SLC44A5: variants seen among roughly 807,000 people sequenced by gnomAD.
The protein encoded by SLC44A5 is solute carrier family 44 member 5.
SLC44A5 carries 57 observed loss-of-function variants against 101.8 expected under a neutral mutation model. That is an observed-to-expected ratio of 0.56 (90% CI 0.45 to 0.70). The LOEUF is 0.70. Ranked by LOEUF, SLC44A5 falls within the 30% of genes least tolerant of loss-of-function variation. The pLI is 0.00. For synonymous variants in SLC44A5, 281 were observed against 290.9 expected (o/e 0.97, Z 0.35); for missense variants, 737 against 853.1 (o/e 0.86, Z 1.70).
chr1:75,250,318 C>T (rs769266934), intron 7 of SLC44A5, among the ~76,000 whole-genome samples: 8 of 152,114 alleles, frequency 5.3e-5, no homozygotes, highest in Non-Finnish European at 8.8e-5. Context: ...CATGTCTCTG[C>T]GAGGGACGTG....
At chr1:75,447,389 T>TC (rs76098710) in intron 2 of SLC44A5, among the ~76,000 whole-genome samples, 1 of 152,104 alleles carries the variant, frequency 6.6e-6, no homozygotes, top group Non-Finnish European at 1.5e-5. Flanking sequence ...TCACTTATTT[T>TC]ACCTACTTCT....
the SLC44A5 span, chr1:75,677,625 C>A: frequency 5.6e-6 from 2 of 359,172 alleles, no homozygotes; most frequent in Admixed American, 8.2e-5. Context: ...AGGAGTAAGT[C>A]CTTAATTATC....
intron 2 of SLC44A5, among the ~76,000 whole-genome samples, chr1:75,484,566 G>T (rs913911124): frequency 2.6e-5 from 4 of 152,312 alleles, no homozygotes; most frequent in African/African-American, 9.6e-5. Context: ...GCTTTTCCAG[G>T]TGCACAGTGC....
At chr1:75,254,757 G>A (rs1007171696) in intron 6 of SLC44A5, among the ~76,000 whole-genome samples, 3 of 152,092 alleles carry the variant, frequency 2.0e-5, no homozygotes, top group African/African-American at 7.3e-5. Flanking sequence ...GCTAGACTGA[G>A]TTGAGAGTGA....
intron 18 of SLC44A5, 69 bp from the exon 19 acceptor site, chr1:75,215,926 AT>A: frequency 3.6e-6 from 3 of 827,344 alleles, no homozygotes; most frequent in Non-Finnish European, 4.0e-6. Flanking sequence ...AATAAATATA[AT>A]ACAACATTTA....
chr1:75,340,284 C>T lies in SLC44A5; in HGVS notation c.53-654G>A, dbSNP rs199715378. ...AACAGTGAAAGTACATATGGAATGGCTTTTTTCTCCCTACATGTACTGTGT... is the reference window on the plus strand; with the variant it reads ...AACAGTGAAAGTACATATGGAATGGTTTTTTTCTCCCTACATGTACTGTGT... On this transcript the variant is annotated intron_variant, in intron 3 of 23. Coordinates refer to ENST00000370859, the MANE Select transcript of SLC44A5 (RefSeq NM_001130058.2). Among the ~76,000 whole-genome samples the T allele has an allele frequency of 1.5e-3, 226 of 152,214 alleles. 1 individual carries two copies. The highest frequency in any genetic ancestry group is 1.9e-3 in the Non-Finnish European group (126 of 68,000).
intron 1 of SLC44A5, among the ~76,000 whole-genome samples, chr1:75,601,017 C>T (rs1044992277): frequency 2.0e-5 from 3 of 152,274 alleles, no homozygotes; most frequent in Non-Finnish European, 4.4e-5. Flanking sequence ...CTTATGATGA[C>T]ATAACCTTGA....
At chr1:75,230,009 T>A (rs1411329105) in intron 12 of SLC44A5, among the ~76,000 whole-genome samples, 1 of 152,218 alleles carries the variant, frequency 6.6e-6, no homozygotes, top group Non-Finnish European at 1.5e-5. Context: ...AACCACACAA[T>A]CATATTTTTG....
At chr1:75,515,058 G>A (rs974516339) in intron 2 of SLC44A5, among the ~76,000 whole-genome samples, 12 of 152,120 alleles carry the variant, frequency 7.9e-5, no homozygotes, top group Admixed American at 2.0e-4. Flanking sequence ...CAGTATTAAT[G>A]CAGTTCAGCT....
chr1:75,674,787 G>C, the SLC44A5 span, among the ~76,000 whole-genome samples: 2 of 152,196 alleles, frequency 1.3e-5, no homozygotes, highest in Non-Finnish European at 2.9e-5. Context: ...TAGAGAAAGG[G>C]ATAGGAGTAG....
In SLC44A5 at chr1:75,368,674, A is replaced by ACAC. The variant is rs1553167852; in HGVS notation, c.52+27906_52+27908dup. ...ACACACACACACACACACACACACC[A>ACAC]CACTCAAATTGGTATTCTGAATGCT... On this transcript the variant is annotated intron_variant, in intron 3 of 23. Coordinates refer to ENST00000370859, the MANE Select transcript of SLC44A5 (RefSeq NM_001130058.2). Among the ~76,000 whole-genome samples, 838 of 148,360 alleles carry ACAC rather than the reference A, an allele frequency of 5.6e-3. 5 individuals are homozygous for ACAC. The highest frequency in any genetic ancestry group is 0.011 in the South Asian group (52 of 4,680).
chr1:75,600,553 A>G (rs1469087565), intron 1 of SLC44A5, among the ~76,000 whole-genome samples: 1 of 152,202 alleles, frequency 6.6e-6, no homozygotes, highest in Admixed American at 6.6e-5. Flanking sequence ...TATTTTAAGT[A>G]GTTTATAAAA....
chr1:75,307,322 G>T (rs1461064892), intron 4 of SLC44A5, among the ~76,000 whole-genome samples: 1 of 152,126 alleles, frequency 6.6e-6, no homozygotes, highest in African/African-American at 2.4e-5. Flanking sequence ...CTGTGGTTCT[G>T]TTGGCACCTG....
chr1:75,295,427 C>G (rs1417062574), intron 5 of SLC44A5, among the ~76,000 whole-genome samples: 1 of 152,144 alleles, frequency 6.6e-6, no homozygotes, highest in Non-Finnish European at 1.5e-5. Flanking sequence ...AGACCTCAAA[C>G]TTTTCTCCCT....
chr1:75,581,440 T>C (rs961135723), intron 1 of SLC44A5, among the ~76,000 whole-genome samples: 2 of 152,198 alleles, frequency 1.3e-5, no homozygotes, highest in Non-Finnish European at 2.9e-5. Context: ...TATATAAAAA[T>C]GCCAAATAGT....
At chr1:75,247,155 A>AAG (rs1312563303) in intron 7 of SLC44A5, among the ~76,000 whole-genome samples, 4 of 152,062 alleles carry the variant, frequency 2.6e-5, no homozygotes, top group Non-Finnish European at 4.4e-5. Context: ...TAATCTAAAA[A>AAG]AGAGGTGATG....
chr1:75,426,089 T>C (rs1664291292), intron 2 of SLC44A5, among the ~76,000 whole-genome samples: 1 of 152,170 alleles, frequency 6.6e-6, no homozygotes, highest in African/African-American at 2.4e-5. Flanking sequence ...TAAAACCTAC[T>C]GACCACATTT....
intron 1 of SLC44A5, among the ~76,000 whole-genome samples, chr1:75,604,736 G>T (rs1675217177): frequency 7.3e-6 from 1 of 137,212 alleles, no homozygotes; most frequent in Admixed American, 8.0e-5. Flanking sequence ...TTACTTCCTT[G>T]GTTAGAGGTG....
At chr1:75,521,770 G>A (rs1670140305) in intron 2 of SLC44A5, 1 of 153,198 alleles carries the variant, frequency 6.5e-6, no homozygotes, top group Admixed American at 6.5e-5. Flanking sequence ...GCCCCTTTAA[G>A]TTACAAATGT....
Sources: allele counts gnomAD v4.1 joint callset (sites outside exome capture counted in the v4.1 genomes callset), GRCh38; gene constraint gnomAD v4.1.1; transcripts MANE v1.5; gene names NCBI Gene and HGNC (gene_info 2026-07-23, HGNC 2026-07-21).